DLGAP1: variants seen among roughly 807,000 people sequenced by gnomAD.
DLGAP1 encodes disks large-associated protein 1.
A neutral mutation model predicts 90.8 loss-of-function variants in DLGAP1; 11 were observed. The ratio of observed to expected loss-of-function variants is 0.12; its 90% CI spans 0.08 to 0.20. The LOEUF (loss-of-function observed/expected upper bound fraction) is 0.20, where lower values mean the gene tolerates loss of function less well. DLGAP1 is among the 10% of genes least tolerant of loss of function. DLGAP1 has a pLI of 1.00. For synonymous variants in DLGAP1, 558 were observed against 540.7 expected, an observed-to-expected ratio of 1.03 and a Z score of -0.44; for missense variants, 1,050 against 1,333.8, an observed-to-expected ratio of 0.79 and a Z score of 3.31.
intron 2 of DLGAP1, among the ~76,000 whole-genome samples, chr18:4,101,526 T>C (rs529335852): frequency 9.2e-5 from 14 of 152,258 alleles, no homozygotes; most frequent in East Asian, 5.8e-4. Flanking sequence ...AGTAGGCACA[T>C]GCTATTAGAA....
At chr18:3,559,214 G>T (rs972002468) in intron 9 of DLGAP1, among the ~76,000 whole-genome samples, 2 of 152,180 alleles carry the variant, frequency 1.3e-5, no homozygotes, top group Admixed American at 6.5e-5. Flanking sequence ...AGATGATTCT[G>T]ATGTTAGTTC....
chr18:4,446,787 T>A (rs1241557552), intron 1 of DLGAP1, among the ~76,000 whole-genome samples: 1 of 152,090 alleles, frequency 6.6e-6, no homozygotes, highest in Non-Finnish European at 1.5e-5. Context: ...AAATGCCTAT[T>A]ACAGAACAAA....
intron 1 of DLGAP1, among the ~76,000 whole-genome samples, chr18:4,247,487 T>C (rs1479944314): frequency 1.3e-5 from 2 of 152,100 alleles, no homozygotes; most frequent in African/African-American, 2.4e-5. Flanking sequence ...TTAAAAATGT[T>C]ATCCCAGGCC....
chr18:4,432,910 C>G (rs2083320633), intron 1 of DLGAP1, among the ~76,000 whole-genome samples: 1 of 152,052 alleles, frequency 6.6e-6, no homozygotes, highest in Non-Finnish European at 1.5e-5. Context: ...AGTGTACAAT[C>G]AGTTCATATA....
intron 1 of DLGAP1, among the ~76,000 whole-genome samples, chr18:4,412,985 T>C (rs1004630859): frequency 2.0e-5 from 3 of 152,102 alleles, no homozygotes; most frequent in Non-Finnish European, 4.4e-5. Context: ...GCCAAGCCCA[T>C]GATATTCACA....
intron 9 of DLGAP1, among the ~76,000 whole-genome samples, chr18:3,561,266 C>CAAAAAAAA (rs71159092): frequency 1.8e-5 from 2 of 110,462 alleles, no homozygotes; most frequent in Admixed American, 1.0e-4. Context: ...AAAAAAAAAA[C>CAAAAAAAA]AAAAAAAAAA....
At chr18:3,861,566 C>G (rs745824347) in intron 4 of DLGAP1, among the ~76,000 whole-genome samples, 5 of 152,182 alleles carry the variant, frequency 3.3e-5, no homozygotes, top group Non-Finnish European at 7.3e-5. Context: ...ACAGGGCACA[C>G]AGCCTCAGAT....
chr18:4,392,675 G>A (rs569427475), intron 1 of DLGAP1, among the ~76,000 whole-genome samples: 2 of 152,282 alleles, frequency 1.3e-5, no homozygotes, highest in East Asian at 3.9e-4. Flanking sequence ...ACAGTCTACA[G>A]TGATTGTAGG....
chr18:4,306,460 T>TGAGAGA (rs1430698648), intron 1 of DLGAP1, among the ~76,000 whole-genome samples: 9 of 51,558 alleles, frequency 1.7e-4, no homozygotes, highest in African/African-American at 6.2e-4. Context: ...TGTGTGTGTG[T>TGAGAGA]GTGAGAGAGA....
chr18:3,780,302 A>G (rs1259224167), intron 5 of DLGAP1, among the ~76,000 whole-genome samples: 1 of 151,952 alleles, frequency 6.6e-6, no homozygotes, highest in Non-Finnish European at 1.5e-5. Flanking sequence ...AGTGGATTAA[A>G]ACAACATTAC....
At chr18:4,301,235 C>T (rs1037465148) in intron 1 of DLGAP1, among the ~76,000 whole-genome samples, 4 of 152,046 alleles carry the variant, frequency 2.6e-5, no homozygotes, top group Admixed American at 6.6e-5. Context: ...AAAACAACAA[C>T]TCATATTCCT....
intron 7 of DLGAP1, among the ~76,000 whole-genome samples, chr18:3,666,455 C>T (rs2059887581): frequency 6.6e-6 from 1 of 152,158 alleles, no homozygotes; most frequent in African/African-American, 2.4e-5. Flanking sequence ...TGCATTGCCC[C>T]CTGGCGTTTG....
intron 2 of DLGAP1, among the ~76,000 whole-genome samples, chr18:4,112,294 T>G (rs1314124675): frequency 1.3e-5 from 2 of 152,172 alleles, no homozygotes; most frequent in African/African-American, 4.8e-5. Context: ...AATTTTTTAT[T>G]ATTTTAATTT....
At chr18:3,627,388 T>C (rs1454600300) in intron 7 of DLGAP1, among the ~76,000 whole-genome samples, 4 of 150,044 alleles carry the variant, frequency 2.7e-5, no homozygotes, top group Non-Finnish European at 5.9e-5. Context: ...TGAGTGAATT[T>C]GTTCAGTCCA....
chr18:4,412,925 G>T (rs1377885382), intron 1 of DLGAP1, among the ~76,000 whole-genome samples: 1 of 152,216 alleles, frequency 6.6e-6, no homozygotes, highest in African/African-American at 2.4e-5. Context: ...ATGCTCAGTG[G>T]TGCTGCCTTT....
At chr18:3,811,372 G>T (rs756432770) in intron 5 of DLGAP1, among the ~76,000 whole-genome samples, 4 of 152,148 alleles carry the variant, frequency 2.6e-5, no homozygotes, top group Non-Finnish European at 4.4e-5. Context: ...TATATGAGAT[G>T]TGCTTCCTTC....
intron 7 of DLGAP1, among the ~76,000 whole-genome samples, chr18:3,605,099 C>T (rs904821426): frequency 4.6e-5 from 7 of 152,160 alleles, no homozygotes; most frequent in African/African-American, 1.4e-4. Flanking sequence ...ACAAATCTCC[C>T]CTCAGGATAA....
intron 7 of DLGAP1, among the ~76,000 whole-genome samples, chr18:3,670,023 A>G (rs28722785): frequency 0.012 from 1,793 of 152,314 alleles, 37 homozygotes; most frequent in African/African-American, 0.04. Context: ...AGTGAGCCAC[A>G]TAGGGTGTGC....
chr18:3,590,883 A>G (rs2056199125), intron 7 of DLGAP1, among the ~76,000 whole-genome samples: 2 of 152,170 alleles, frequency 1.3e-5, no homozygotes, highest in African/African-American at 4.8e-5. Flanking sequence ...TAAAAAAAAA[A>G]ACAAAGAAAA....
Sources: allele counts gnomAD v4.1 joint callset (sites outside exome capture counted in the v4.1 genomes callset), GRCh38; gene constraint gnomAD v4.1.1; transcripts MANE v1.5; gene names NCBI Gene and HGNC (gene_info 2026-07-23, HGNC 2026-07-21).